Variants in LOXHD1 observed in about 807,000 individuals in gnomAD.
LOXHD1 encodes lipoxygenase homology domain-containing protein 1.
In LOXHD1, 205 loss-of-function variants were observed where a neutral mutation model predicts 248.2. The observed-to-expected ratio is 0.83, with a 90% CI of 0.74 to 0.93. LOXHD1 has a LOEUF of 0.93. Among genes scored for constraint, LOXHD1 ranks in the 40% least tolerant of loss-of-function variants. The pLI is 0.00. For synonymous variants in LOXHD1, 1,113 were observed against 1,162.8 expected (o/e 0.96, Z 0.87); for missense variants, 2,930 against 2,971.6 (o/e 0.99, Z 0.33).
intron 34 of LOXHD1, among the ~76,000 whole-genome samples, 152 bp downstream of exon 34, chr18:46,517,977 A>G (rs1433268835): frequency 1.3e-5 from 2 of 152,182 alleles, no homozygotes; most frequent in East Asian, 1.9e-4. Flanking sequence ...TTGAAAGAGA[A>G]AGGTACTGAG....
intron 17 of LOXHD1, among the ~76,000 whole-genome samples, chr18:46,565,230 C>CA (rs1202291465): frequency 6.6e-6 from 1 of 150,770 alleles, no homozygotes; most frequent in Non-Finnish European, 1.5e-5. Flanking sequence ...CACTGCACTC[C>CA]AGCCTGGGCA....
chr18:46,647,271 C>T (rs1384881397), intron 2 of LOXHD1, among the ~76,000 whole-genome samples: 4 of 152,160 alleles, frequency 2.6e-5, no homozygotes, highest in Non-Finnish European at 5.9e-5. Context: ...AGAGGGAAGG[C>T]TGGAACCCGA....
intron 3 of LOXHD1, 103 bp downstream of exon 3, chr18:46,641,853 A>G (rs1013015860): frequency 2.5e-6 from 3 of 1,197,758 alleles, no homozygotes; most frequent in Non-Finnish European, 2.4e-6. Context: ...TAGCCCCTCA[A>G]ATAACATCTG....
At chr18:46,555,357 T>TC (rs2037279892) in intron 21 of LOXHD1, 1 of 357,940 alleles carries the variant, frequency 2.8e-6, no homozygotes, top group Non-Finnish European at 5.6e-6. Context: ...AGACTCCAGG[T>TC]CAGGACCCTG....
At chr18:46,573,325 A>T (rs1002760539) in intron 14 of LOXHD1, among the ~76,000 whole-genome samples, 7 of 152,204 alleles carry the variant, frequency 4.6e-5, no homozygotes, top group African/African-American at 1.7e-4. Flanking sequence ...AAAAGCACCT[A>T]TCACACTGGG....
chr18:46,561,394 G>T (rs188672782), intron 18 of LOXHD1, among the ~76,000 whole-genome samples: 2 of 152,330 alleles, frequency 1.3e-5, no homozygotes, highest in East Asian at 3.9e-4. Context: ...CCTGAGCTCT[G>T]TCCTGAGCCC....
chr18:46,545,138 C>A (rs538284839), intron 23 of LOXHD1, among the ~76,000 whole-genome samples, 179 bp downstream of exon 23: 5 of 152,190 alleles, frequency 3.3e-5, no homozygotes, highest in Admixed American at 3.3e-4. Context: ...AGAAAGCTGG[C>A]TCAGAGAAAA....
chr18:46,540,761 G>A (rs772290135), intron 25 of LOXHD1, among the ~76,000 whole-genome samples: 9 of 139,058 alleles, frequency 6.5e-5, no homozygotes, highest in Non-Finnish European at 1.4e-4. Context: ...CCAACCCCAT[G>A]CACATCTTTC....
chr18:46,618,386 C>A lies in LOXHD1; in HGVS notation c.512-96G>T, dbSNP rs923758506. On this transcript the variant is annotated intron_variant, in intron 4 of 40. Transcript: ENST00000642948. The stretch of plus-strand genomic sequence containing the variant: ...CTACCACACCATCTACACTTACCCC[C>A]AGCAATGCATAAATTGTCACCATTA... 12 of 773,502 alleles carry A rather than the reference C, an allele frequency of 1.6e-5. No homozygotes were observed. In the Admixed American group the frequency reaches 2.6e-4, roughly 17 times the overall value. The allele number at this position is 773,502 out of a possible 1,614,324, so 47.9% of individuals were successfully genotyped here.
intron 19 of LOXHD1, 35 bp downstream of exon 19, chr18:46,560,048 T>TGCCACCCCCC: frequency 4.9e-6 from 6 of 1,226,296 alleles, no homozygotes; most frequent in Non-Finnish European, 6.8e-6. Context: ...GTCTGGCCAC[T>TGCCACCCCCC]CCCTCCCCAC....
chr18:46,538,205 T>C lies in LOXHD1; in HGVS notation c.4046A>G (p.Glu1349Gly). Reference protein sequence around the residue: ...QQKYLCTNKREQKQFFERKSA... With the variant: ...QQKYLCTNKRGQKQFFERKSA... Reference sequence around the variant, plus strand: ...CTTCCTCTCAAAGAACTGCTTCTGTTCCCTCTTGTTGGTACACAGATACTT... The same window carrying C: ...CTTCCTCTCAAAGAACTGCTTCTGTCCCCTCTTGTTGGTACACAGATACTT... The change falls in exon 26 of 41, where the codon GAA (glutamate) becomes GGA (glycine). Residue 1349 changes from glutamate (E) to glycine (G), a missense_variant. Glu to Gly is a moderately conservative substitution (Grantham distance 98, BLOSUM62 -2). Coordinates refer to ENST00000642948, the MANE Select transcript of LOXHD1 (RefSeq NM_001384474.1). 1 of 1,541,330 alleles carries C rather than the reference T, an allele frequency of 6.5e-7. No homozygotes were observed. The highest frequency in any genetic ancestry group is 8.8e-7 in the Non-Finnish European group (1 of 1,138,138).
At chr18:46,600,797 A>G (rs1397607996) in intron 8 of LOXHD1, among the ~76,000 whole-genome samples, 1 of 152,230 alleles carries the variant, frequency 6.6e-6, no homozygotes, top group East Asian at 1.9e-4. Flanking sequence ...TGTGTGATAG[A>G]CAAAATTGAG....
intron 40 of LOXHD1, among the ~76,000 whole-genome samples, chr18:46,480,162 T>A (rs944901029): frequency 5.9e-5 from 9 of 152,230 alleles, no homozygotes; most frequent in African/African-American, 1.9e-4. Flanking sequence ...TCATTCTATA[T>A]AAATACAAAA....
Position 46,483,621 on chromosome 18 carries a change from T to C in LOXHD1, c.6307A>G (p.Thr2103Ala). The C allele has an allele frequency of 6.4e-7, 1 of 1,551,502 alleles. No homozygotes were observed. The highest frequency in any genetic ancestry group is 8.7e-7 in the Non-Finnish European group (1 of 1,146,930). ...PKRELAWHVK[T>A]ITITEMEYGN... Reference sequence around the variant, plus strand: ...TACTCCATCTCGGTGATGGTGATGGTCTTGACATGCCAGGCAAGTTCTCTC... The same window carrying C: ...TACTCCATCTCGGTGATGGTGATGGCCTTGACATGCCAGGCAAGTTCTCTC... Residue 2103 changes from threonine to alanine, a missense_variant, in exon 40 of 41, where the codon ACC becomes GCC. Coordinates refer to ENST00000642948, the MANE Select transcript of LOXHD1 (RefSeq NM_001384474.1).
intron 19 of LOXHD1, 35 bp downstream of exon 19, chr18:46,560,048 T>TGCCTCCCCC: frequency 8.2e-7 from 1 of 1,226,298 alleles, no homozygotes; most frequent in Non-Finnish European, 1.1e-6. Flanking sequence ...GTCTGGCCAC[T>TGCCTCCCCC]CCCTCCCCAC....
intron 40 of LOXHD1, 48 bp downstream of exon 40, chr18:46,483,539 C>T (rs752591888): frequency 1.1e-4 from 165 of 1,548,818 alleles, no homozygotes; most frequent in Non-Finnish European, 1.4e-4. Flanking sequence ...CAGTCCCTGC[C>T]CCATGCTGAG....
intron 18 of LOXHD1, 25 bp from the exon 19 acceptor site, chr18:46,560,570 T>G: frequency 1.3e-6 from 2 of 1,503,790 alleles, no homozygotes; most frequent in Non-Finnish European, 1.8e-6. Flanking sequence ...GGGCAGCGGC[T>G]GTCGTGGCCC....
chr18:46,560,132 G>A lies in LOXHD1; in HGVS notation c.3012C>T (p.Asp1004=). The change falls in exon 19 of 41, where the codon GAC becomes GAT. Residue 1004 remains aspartate (D), a synonymous_variant. Coordinates refer to ENST00000642948, the MANE Select transcript of LOXHD1 (RefSeq NM_001384474.1). ...AHRWLARGKE[D]NELVVELVPA... is the part of the protein sequence containing the mutation. ...GCACCAACTCCACGACAAGTTCGTT[G>A]TCCTCCTTGCCCCGGGCCAGCCAGC... 2 of 1,507,390 alleles carry A rather than the reference G, an allele frequency of 1.3e-6. No individual in the cohort carries two copies. Among genetic ancestry groups the A allele is most frequent in the Non-Finnish European group, 1.8e-6 (2 of 1,122,880 alleles). The allele number at this position is 1,507,390 out of a possible 1,614,324, so 93.4% of individuals were successfully genotyped here.
At chr18:46,552,283 C>T (rs2037138994) in intron 21 of LOXHD1, among the ~76,000 whole-genome samples, 1 of 152,170 alleles carries the variant, frequency 6.6e-6, no homozygotes, top group South Asian at 2.1e-4. Context: ...ACATTCACAG[C>T]CCACAGCTGC....
Sources: allele counts gnomAD v4.1 joint callset (sites outside exome capture counted in the v4.1 genomes callset), GRCh38; gene constraint gnomAD v4.1.1; transcripts MANE v1.5; gene names NCBI Gene and HGNC (gene_info 2026-07-23, HGNC 2026-07-21).